STKLD1: variants seen among roughly 807,000 people sequenced by gnomAD.
The protein encoded by STKLD1 is serine/threonine kinase like domain containing 1.
Under a neutral mutation model 80.4 loss-of-function variants are expected in STKLD1, and 79 were observed. The observed-to-expected ratio is 0.98, with a 90% CI of 0.82 to 1.19. STKLD1 has a LOEUF of 1.19. STKLD1 is among the 50% of genes most tolerant of loss of function. The pLI is 0.00. For missense variants in STKLD1, 841 were observed against 856.0 expected (o/e 0.98, Z 0.22); for synonymous variants, 393 against 357.6 (o/e 1.10, Z -1.12).
In STKLD1 at chr9:133,379,016, T is replaced by G. The variant is rs2130259206; in HGVS notation, c.88-20T>G. On this transcript the variant is annotated intron_variant, in intron 1 of 17. Transcript: ENST00000371957. ...AAGTTGTGTGCATTTCCTGAAAGCT[T>G]CTCTCTTCCTTGCTGATAGGTTTTG... 18 of 1,608,368 alleles carry G rather than the reference T, an allele frequency of 1.1e-5. No individual in the cohort carries two copies. The South Asian group carries it at 1.3e-4, about 12-fold the overall frequency.
chr9:133,389,463 T>TCACCCC lies in STKLD1; in HGVS notation c.397-61_397-56dup. ...ACCATCCTGCTGGCTGCTCTGAGTGTCACCCCCCTGAAAGCAGCACAGGGT... is the reference window on the plus strand; with the variant it reads ...ACCATCCTGCTGGCTGCTCTGAGTGTCACCCCCACCCCCCTGAAAGCAGCACAGGGT... On this transcript the variant is annotated intron_variant, in intron 5 of 17. Coordinates refer to ENST00000371957, the MANE Select transcript of STKLD1 (RefSeq NM_153710.5). This position sits in a 1 kb window ranked among gnomAD's most constrained non-coding sequence, Gnocchi z 6.4. 1 of 1,589,794 alleles carries TCACCCC rather than the reference T, an allele frequency of 6.3e-7. No individual in the cohort carries two copies. Among genetic ancestry groups the TCACCCC allele is most frequent in the Non-Finnish European group, 8.6e-7 (1 of 1,168,440 alleles).
intron 5 of STKLD1, among the ~76,000 whole-genome samples, chr9:133,388,085 G>C (rs1369076111): frequency 6.6e-6 from 1 of 152,226 alleles, no homozygotes; most frequent in African/African-American, 2.4e-5. Context: ...TTTCTGGGAT[G>C]AATACCTAGG....
At chr9:133,399,192 A>C (rs1838633613) in intron 11 of STKLD1, among the ~76,000 whole-genome samples, 2 of 152,130 alleles carry the variant, frequency 1.3e-5, no homozygotes, top group African/African-American at 4.8e-5. Context: ...GCTTTCATAA[A>C]ATCTTTCCAT....
At chr9:133,393,605 A>ATGAG (rs200438905) in intron 7 of STKLD1, among the ~76,000 whole-genome samples, 16,092 of 127,926 alleles carry the variant, frequency 0.13, 1,157 homozygotes, top group African/African-American at 0.23. Context: ...GAGTGAGTGA[A>ATGAG]TGGGTGAGTG....
intron 4 of STKLD1, among the ~76,000 whole-genome samples, chr9:133,386,596 C>T (rs2130277849): frequency 2.0e-5 from 3 of 152,212 alleles, no homozygotes. Flanking sequence ...CCTAGGGCTC[C>T]GGTTCAGGAG....
intron 2 of STKLD1, among the ~76,000 whole-genome samples, chr9:133,381,973 A>G (rs1838144634): frequency 6.6e-6 from 1 of 152,232 alleles, no homozygotes; most frequent in South Asian, 2.1e-4. Flanking sequence ...TACTTCATTC[A>G]TAAGTCTTTT....
At chr9:133,380,949 A>G (rs1296001343) in intron 2 of STKLD1, among the ~76,000 whole-genome samples, 4 of 151,972 alleles carry the variant, frequency 2.6e-5, no homozygotes, top group South Asian at 4.1e-4. Context: ...CATCCCTATC[A>G]CATGGGCTGA....
rs1340179674 is a variant in STKLD1, at chr9:133,395,670, C to T, written c.773C>T (p.Thr258Ile). The change falls in exon 9 of 18, where the codon ACA becomes ATA. Residue 258 changes from threonine to isoleucine, a missense_variant. By Grantham distance (89) the Thr-to-Ile change is moderately conservative. Transcript: ENST00000371957. Reference sequence around the variant, plus strand: ...GGCAGCCTGAAGGCCGTCCTGAAGACAATGGAGGAGAAGCAGATCCCGGAT... The same window carrying T: ...GGCAGCCTGAAGGCCGTCCTGAAGATAATGGAGGAGAAGCAGATCCCGGAT... The part of the protein sequence containing the change: ...SPGSLKAVLK[T>I]MEEKQIPDVE... 3.1e-6 allele frequency: 5 copies of T among 1,613,322 alleles called. No individual in the cohort carries two copies. The highest frequency in any genetic ancestry group is 1.3e-5 in the African/African-American group (1 of 74,948).
At chr9:133,403,161 C>A in intron 14 of STKLD1, 149 bp downstream of exon 14, 3 of 813,360 alleles carry the variant, frequency 3.7e-6, no homozygotes, top group Non-Finnish European at 5.5e-6. Context: ...TGAGAGCTTC[C>A]AACTCCAACA....
At chr9:133,395,003 C>G (rs936880904) in intron 8 of STKLD1, among the ~76,000 whole-genome samples, 1 of 152,178 alleles carries the variant, frequency 6.6e-6, no homozygotes, top group Admixed American at 6.5e-5. Context: ...CTGTCGCTTC[C>G]TATCCTCTAT....
Position 133,389,791 on chromosome 9 carries a change from T to C in STKLD1, c.467+195T>C, listed in dbSNP as rs944130017. 2.0e-5 allele frequency among the ~76,000 whole-genome samples: 3 copies of C among 152,166 alleles called. No individual in the cohort carries two copies. The highest frequency in any genetic ancestry group is 7.2e-5 in the African/African-American group (3 of 41,436). On this transcript the variant is annotated intron_variant, in intron 6 of 17. Transcript: ENST00000371957. The surrounding 1 kb of genome is among the most constrained non-coding windows in gnomAD (Gnocchi z 6.4). ...GGCTCTTCCAAGTGGTCTCAAGCCA[T>C]GTGCACACGCACAGCTGCATGGGGT...
chr9:133,404,043 T>C lies in STKLD1; in HGVS notation c.1727T>C (p.Val576Ala). 6.2e-7 allele frequency: 1 copy of C among 1,602,120 alleles called. No homozygotes were observed. Among genetic ancestry groups the C allele is most frequent in the Non-Finnish European group, 8.5e-7 (1 of 1,174,522 alleles). ...CGGGGACTGGCCAGCCTGGTGAAGG[T>C]GTCAGGTGAGCCTGGGGACAGGACG... is the stretch of plus-strand genomic sequence containing the variant. ...AYRGLASLVK[V>A]SELAAFKVVV... The change falls in exon 16 of 18, where the codon GTG becomes GCG. Residue 576 changes from valine (V) to alanine (A), a missense_variant. Physicochemically the swap from Val to Ala is moderately conservative, Grantham distance 64. Transcript: ENST00000371957.
chr9:133,387,598 C>T, intron 5 of STKLD1, 50 bp downstream of exon 5: 1 of 1,478,838 alleles, frequency 6.8e-7, no homozygotes, highest in South Asian at 1.1e-5. Flanking sequence ...ACCTGTGACA[C>T]AGGCCCTGCG....
chr9:133,383,259 TG>T (rs1838184272), intron 2 of STKLD1, among the ~76,000 whole-genome samples: 1 of 77,178 alleles, frequency 1.3e-5, no homozygotes, highest in African/African-American at 4.7e-5. Context: ...GTGGTGGTGT[TG>T]GAGTGATGGT....
chr9:133,389,891 G>A lies in STKLD1; in HGVS notation c.467+295G>A, dbSNP rs1390326724. Among the ~76,000 whole-genome samples, 3 of 152,324 alleles carry A rather than the reference G, an allele frequency of 2.0e-5. No homozygotes were observed. The highest frequency in any genetic ancestry group is 2.1e-4 in the South Asian group (1 of 4,826). The stretch of plus-strand genomic sequence containing the variant: ...AAAAGCCCTGCCAAGAAGAGAGACC[G>A]GGTTGCCTGCCGTGGGGCCAGTGTG... On this transcript the variant is annotated intron_variant, in intron 6 of 17. Coordinates refer to ENST00000371957, the MANE Select transcript of STKLD1 (RefSeq NM_153710.5). This position sits in a 1 kb window ranked among gnomAD's most constrained non-coding sequence, Gnocchi z 6.4.
rs1838510343 is a variant in STKLD1 at position 133,394,614 on chromosome 9, T to C, written c.702+205T>C. ...CAGCACCTGCTGGGCTCTAGCAGGA[T>C]AATGACAGCAGTGGTAATATTCAGA... is the stretch of plus-strand genomic sequence containing the variant. On this transcript the variant is annotated intron_variant, in intron 8 of 17. Transcript: ENST00000371957. The surrounding 1 kb of genome is among the most constrained non-coding windows in gnomAD (Gnocchi z 4.9). 6.6e-6 allele frequency among the ~76,000 whole-genome samples: 1 copy of C among 152,200 alleles called. No individual in the cohort carries two copies. Among genetic ancestry groups the C allele is most frequent in the Non-Finnish European group, 1.5e-5 (1 of 68,030 alleles).
At chr9:133,377,437 G>A (rs2130254000) in intron 1 of STKLD1, among the ~76,000 whole-genome samples, 8 of 152,340 alleles carry the variant, frequency 5.3e-5, no homozygotes, top group African/African-American at 9.6e-5. Flanking sequence ...AGGCCAAGGC[G>A]GGCGGATCAC....
chr9:133,400,600 C>T (rs1838677910), intron 12 of STKLD1, 71 bp downstream of exon 12: 2 of 1,299,970 alleles, frequency 1.5e-6, no homozygotes, highest in South Asian at 2.4e-5. Flanking sequence ...GCCTCCTGGG[C>T]CAAGGTGGGC....
intron 2 of STKLD1, among the ~76,000 whole-genome samples, chr9:133,380,577 C>T (rs2130263907): frequency 3.3e-5 from 5 of 152,002 alleles, no homozygotes; most frequent in African/African-American, 7.2e-5. Flanking sequence ...TGCTTGAACC[C>T]GGGCGGCGGA....
Sources: gnomAD v4.1 joint callset for allele counts (sites outside exome capture counted in the v4.1 genomes callset) on GRCh38, gnomAD v4.1.1 for gene constraint, Gnocchi (gnomAD v3.1) non-coding constraint, MANE v1.5 for transcripts, NCBI Gene and HGNC (gene_info 2026-07-23, HGNC 2026-07-21) for gene names.